Variants in ITK observed in about 807,000 individuals in gnomAD.
ITK encodes the protein IL2 inducible T cell kinase.
A neutral mutation model predicts 87.6 loss-of-function variants in ITK; 45 were observed. The ratio of observed to expected loss-of-function variants is 0.51; its 90% confidence interval spans 0.40 to 0.66. The LOEUF is 0.66. Ranked by LOEUF, ITK falls within the 30% of genes least tolerant of loss-of-function variation. ITK has a pLI of 0.00. For missense variants in ITK, 605 were observed against 766.3 expected (o/e 0.79, Z 2.48); for synonymous variants, 303 against 273.6 (o/e 1.11, Z -1.06).
intron 2 of ITK, among the ~76,000 whole-genome samples, chr5:157,209,771 C>T (rs1268825974): frequency 1.3e-5 from 2 of 152,100 alleles, no homozygotes; most frequent in African/African-American, 2.4e-5. Flanking sequence ...AGCCACTAGC[C>T]ACACATGGAT....
At chr5:157,250,978 C>T (rs73302133) in intron 16 of ITK, among the ~76,000 whole-genome samples, 2 of 152,184 alleles carry the variant, frequency 1.3e-5, no homozygotes. Context: ...ATTATGAATA[C>T]AGCTGCTATA....
rs377577930 is a variant in ITK at position 157,200,926 on chromosome 5, A to G, written c.139-7963A>G. On this transcript the variant is annotated intron_variant, in intron 1 of 16. Coordinates refer to ENST00000422843, the MANE Select transcript of ITK (RefSeq NM_005546.4). ...ATGGCAAGTGCAAATTGAGATATGC[A>G]CAAAATATACAATTTCAAAGACTTA... 1.1e-4 allele frequency among the ~76,000 whole-genome samples: 17 copies of G among 152,330 alleles called. No homozygotes were observed. In the South Asian group the frequency reaches 3.5e-3, roughly 32 times the overall value.
chr5:157,246,202 T>G (rs182567932), intron 15 of ITK, among the ~76,000 whole-genome samples: 32 of 152,250 alleles, frequency 2.1e-4, no homozygotes, highest in African/African-American at 7.5e-4. Context: ...CTGGACATGG[T>G]GGTGGGAGTT....
At chr5:157,203,496 A>T (rs1180832135) in intron 1 of ITK, among the ~76,000 whole-genome samples, 4 of 152,218 alleles carry the variant, frequency 2.6e-5, no homozygotes, top group Non-Finnish European at 5.9e-5. Context: ...CAGCAAATGG[A>T]GTTGTCATAT....
In ITK at chr5:157,247,955, G is replaced by A. The variant is rs530792051; in HGVS notation, c.1634-895G>A. ...AAAAATTTTCACTAAAAATTATGGTGTCTTGGGGTGATAAGCATTCTTATT... is the reference window on the plus strand; with the variant it reads ...AAAAATTTTCACTAAAAATTATGGTATCTTGGGGTGATAAGCATTCTTATT... On this transcript the variant is annotated intron_variant, in intron 15 of 16. Coordinates refer to ENST00000422843, the MANE Select transcript of ITK (RefSeq NM_005546.4). Among the ~76,000 whole-genome samples, 172 of 152,316 alleles carry A rather than the reference G, an allele frequency of 1.1e-3. 2 individuals are homozygous for A. Among genetic ancestry groups the A allele is most frequent in the African/African-American group, 3.7e-3 (154 of 41,564 alleles).
intron 1 of ITK, among the ~76,000 whole-genome samples, chr5:157,201,613 ACT>A (rs1753976462): frequency 2.0e-5 from 3 of 151,384 alleles, no homozygotes; most frequent in African/African-American, 4.9e-5. Flanking sequence ...CACTTTTAAC[ACT>A]CTATTCGACA....
At position 157,254,362 on chromosome 5, in the gene ITK, T is replaced by A. The variant is rs559139211; in HGVS notation, c.*1684T>A. 2 of 224,050 alleles carry A rather than the reference T, an allele frequency of 8.9e-6. No homozygotes were observed. Among genetic ancestry groups the A allele is most frequent in the Non-Finnish European group, 1.8e-5 (2 of 112,410 alleles). 13.9% of individuals were successfully genotyped at this position (224,050 alleles called of 1,614,324 possible). ...TCTCACAACCAACCAGTCATGTTGC[T>A]TGAAGCCATTTATAGACGAGCTTCA... On this transcript the variant is annotated 3_prime_UTR_variant, in exon 17 of 17. Coordinates refer to ENST00000422843, the MANE Select transcript of ITK (RefSeq NM_005546.4).
chr5:157,212,299 T>C (rs1241075212), intron 3 of ITK, among the ~76,000 whole-genome samples: 2 of 152,182 alleles, frequency 1.3e-5, no homozygotes, highest in South Asian at 2.1e-4. Flanking sequence ...GTTCAAATAC[T>C]AATCTGCCTC....
chr5:157,181,084 C>G lies in ITK; in HGVS notation c.107C>G (p.Ala36Gly), dbSNP rs1753503783. ...GTCCGCTTCTTTGTGTTAACCAAAG[C>G]CAGCCTGGCATACTTTGAAGATCGT... ...FKVRFFVLTK[A>G]SLAYFEDRHG... Residue 36 changes from alanine to glycine, a missense_variant, in exon 1 of 17, where the codon GCC becomes GGC. Ala to Gly is a moderately conservative substitution (Grantham distance 60, BLOSUM62 0). Coordinates refer to ENST00000422843, the MANE Select transcript of ITK (RefSeq NM_005546.4). 1 of 1,613,960 alleles carries G rather than the reference C, an allele frequency of 6.2e-7. No individual in the cohort carries two copies. The highest frequency in any genetic ancestry group is 8.5e-7 in the Non-Finnish European group (1 of 1,179,910).
intron 11 of ITK, among the ~76,000 whole-genome samples, chr5:157,242,154 G>A (rs1357917385): frequency 6.6e-6 from 1 of 152,208 alleles, no homozygotes; most frequent in Non-Finnish European, 1.5e-5. Context: ...CTGCATAAGA[G>A]AGTGTTAAAA....
chr5:157,228,212 A>T, intron 6 of ITK, 84 bp from the exon 7 acceptor site: 1 of 867,738 alleles, frequency 1.2e-6, no homozygotes. Flanking sequence ...CCCAATCTTT[A>T]AATGACTTTT....
chr5:157,190,324 G>A (rs1367184498), intron 1 of ITK, among the ~76,000 whole-genome samples: 1 of 152,010 alleles, frequency 6.6e-6, no homozygotes, highest in Non-Finnish European at 1.5e-5. Flanking sequence ...ATTATTATTG[G>A]TTTGTTTGTT....
chr5:157,232,305 T>G, intron 7 of ITK, 35 bp from the exon 8 acceptor site: 5 of 1,444,260 alleles, frequency 3.5e-6, no homozygotes, highest in Non-Finnish European at 4.9e-6. Flanking sequence ...AACTTTAAAA[T>G]ATGTCATTGA....
intron 2 of ITK, among the ~76,000 whole-genome samples, chr5:157,210,088 G>A (rs1340702351): frequency 6.6e-6 from 1 of 152,110 alleles, no homozygotes; most frequent in Non-Finnish European, 1.5e-5. Context: ...AACACTCCCG[G>A]CTAATTTTTG....
At chr5:157,242,147 C>T (rs571267369) in intron 11 of ITK, among the ~76,000 whole-genome samples, 16 of 152,306 alleles carry the variant, frequency 1.1e-4, no homozygotes, top group African/African-American at 3.6e-4. Flanking sequence ...TGTTTCTCTG[C>T]ATAAGAGAGT....
At chr5:157,209,684 T>G (rs1754149208) in intron 2 of ITK, among the ~76,000 whole-genome samples, 1 of 152,174 alleles carries the variant, frequency 6.6e-6, no homozygotes, top group Admixed American at 6.5e-5. Flanking sequence ...GGGTATGAAT[T>G]GCTTGGAGAT....
At chr5:157,243,482 GA>G in intron 11 of ITK, 140 bp from the exon 12 acceptor site, 2 of 760,352 alleles carry the variant, frequency 2.6e-6, no homozygotes, top group Non-Finnish European at 4.7e-6. Flanking sequence ...TATTATGTGG[GA>G]AAAAGATAAT....
At chr5:157,220,207 T>A (rs998145392) in intron 5 of ITK, among the ~76,000 whole-genome samples, 1 of 152,144 alleles carries the variant, frequency 6.6e-6, no homozygotes, top group African/African-American at 2.4e-5. Context: ...GCCAGTCCTC[T>A]GGGGGTTGGG....
chr5:157,230,378 C>T lies in ITK; in HGVS notation c.714-1962C>T, dbSNP rs142557145. Reference sequence around the variant, plus strand: ...TTAATTACTCACTAAATATAAGATACCAGGCCTAAAGAATAAAGCTAATGA... The same window carrying T: ...TTAATTACTCACTAAATATAAGATATCAGGCCTAAAGAATAAAGCTAATGA... On this transcript the variant is annotated intron_variant, in intron 7 of 16. Transcript: ENST00000422843. Among the ~76,000 whole-genome samples, 906 of 152,162 alleles carry T rather than the reference C, an allele frequency of 6.0e-3. 11 individuals carry two copies. The highest frequency in any genetic ancestry group is 0.021 in the African/African-American group (853 of 41,512).
Sources: gnomAD v4.1 joint callset for allele counts (sites outside exome capture counted in the v4.1 genomes callset) on GRCh38, gnomAD v4.1.1 for gene constraint, MANE v1.5 for transcripts, NCBI Gene and HGNC (gene_info 2026-07-23, HGNC 2026-07-21) for gene names.